Variants in NR2F1-AS1 observed in about 807,000 individuals in gnomAD.
The protein encoded by NR2F1-AS1 is NR2F1 regulatory antisense RNA 1.
At chr5:93,555,754 T>G (rs1580329599) in intron 2 of NR2F1-AS1, among the ~76,000 whole-genome samples, 1 of 152,164 alleles carries the variant, frequency 6.6e-6, no homozygotes, top group East Asian at 1.9e-4. Context: ...CAGGTACATA[T>G]TTAGACAATA....
intron 4 of NR2F1-AS1, among the ~76,000 whole-genome samples, chr5:93,416,530 C>T (rs1282842691): frequency 6.6e-6 from 1 of 152,116 alleles, no homozygotes; most frequent in African/African-American, 2.4e-5. Flanking sequence ...TCAAAAAGAG[C>T]ATAACAGCAA....
At position 93,509,244 on chromosome 5, in the gene NR2F1-AS1, TTTATG is replaced by T. The variant is rs745865284; in HGVS notation, n.638+44512_638+44516del. Among the ~76,000 whole-genome samples, 5 of 152,236 alleles carry T rather than the reference TTTATG, an allele frequency of 3.3e-5. No individual in the cohort carries two copies. The South Asian group carries it at 1.0e-3, about 32-fold the overall frequency. On this transcript the variant is annotated intron_variant and non_coding_transcript_variant, in intron 4 of 5. Transcript: ENST00000660523. Reference sequence around the variant, plus strand: ...CCAGAATGTGTACAGCATGATATGATTTATGTTAAGTTTAAGAATATGCAAACAAT... The same window carrying T: ...CCAGAATGTGTACAGCATGATATGATTTAAGTTTAAGAATATGCAAACAAT...
At chr5:93,530,140 G>A (rs1751705819) in intron 4 of NR2F1-AS1, among the ~76,000 whole-genome samples, 1 of 148,290 alleles carries the variant, frequency 6.7e-6, no homozygotes, top group African/African-American at 2.5e-5. Flanking sequence ...GAGTGCAGTG[G>A]CGCAATCTCA....
At chr5:93,464,611 G>T (rs1217460248) in intron 4 of NR2F1-AS1, among the ~76,000 whole-genome samples, 11 of 152,180 alleles carry the variant, frequency 7.2e-5, no homozygotes, top group Admixed American at 6.5e-4. Flanking sequence ...TTCAGGCAAA[G>T]AACCTATTTT....
At chr5:93,573,954 A>T (rs1258731654) in intron 1 of NR2F1-AS1, among the ~76,000 whole-genome samples, 1 of 152,208 alleles carries the variant, frequency 6.6e-6, no homozygotes, top group African/African-American at 2.4e-5. Flanking sequence ...TAAATAGATG[A>T]TAGTTTTGTG....
chr5:93,477,716 A>G (rs947171455), intron 4 of NR2F1-AS1, among the ~76,000 whole-genome samples: 1 of 152,182 alleles, frequency 6.6e-6, no homozygotes, highest in African/African-American at 2.4e-5. Context: ...GCCAGCCAAT[A>G]CAATCTCTCA....
intron 4 of NR2F1-AS1, among the ~76,000 whole-genome samples, chr5:93,511,119 CA>C (rs1751286250): frequency 2.6e-5 from 4 of 152,258 alleles, no homozygotes; most frequent in African/African-American, 9.6e-5. Context: ...TAAGATTAAA[CA>C]TTGCTTCTGA....
intron 4 of NR2F1-AS1, among the ~76,000 whole-genome samples, chr5:93,521,270 A>G (rs1751496603): frequency 6.6e-6 from 1 of 152,180 alleles, no homozygotes; most frequent in Non-Finnish European, 1.5e-5. Flanking sequence ...AAAATCCTGT[A>G]AGACAATCTA....
At chr5:93,566,783 T>C (rs2149923972) in intron 1 of NR2F1-AS1, among the ~76,000 whole-genome samples, 1 of 152,096 alleles carries the variant, frequency 6.6e-6, no homozygotes, top group Admixed American at 6.5e-5. Context: ...TGGCTAAAGA[T>C]TTATTTAAAA....
At chr5:93,566,022 C>T (rs932654707) in intron 1 of NR2F1-AS1, among the ~76,000 whole-genome samples, 3 of 151,526 alleles carry the variant, frequency 2.0e-5, no homozygotes, top group Non-Finnish European at 4.4e-5. Context: ...AGTGTTTCAT[C>T]GTCAGATTGG....
At chr5:93,453,717 A>G (rs1749885960) in intron 4 of NR2F1-AS1, among the ~76,000 whole-genome samples, 1 of 152,108 alleles carries the variant, frequency 6.6e-6, no homozygotes, top group Non-Finnish European at 1.5e-5. Flanking sequence ...GTACTGAAAC[A>G]AAAAACAAAT....
At chr5:93,510,313 G>C (rs1751269254) in intron 4 of NR2F1-AS1, among the ~76,000 whole-genome samples, 2 of 152,168 alleles carry the variant, frequency 1.3e-5, no homozygotes, top group Admixed American at 6.5e-5. Flanking sequence ...TTTTAATCAA[G>C]TTTCATTTAT....
chr5:93,445,754 G>T (rs533494008), intron 4 of NR2F1-AS1, among the ~76,000 whole-genome samples: 1 of 151,976 alleles, frequency 6.6e-6, no homozygotes, highest in Non-Finnish European at 1.5e-5. Context: ...CAAAAAAAGA[G>T]AATTTTAGAC....
intron 4 of NR2F1-AS1, among the ~76,000 whole-genome samples, chr5:93,471,184 T>C (rs1405584893): frequency 6.6e-6 from 1 of 151,900 alleles, no homozygotes; most frequent in Non-Finnish European, 1.5e-5. Context: ...ACTTAACAAC[T>C]AGCCAAACTG....
At chr5:93,534,529 T>C (rs1751800091) in intron 4 of NR2F1-AS1, among the ~76,000 whole-genome samples, 1 of 152,172 alleles carries the variant, frequency 6.6e-6, no homozygotes, top group African/African-American at 2.4e-5. Context: ...CATGAAACAA[T>C]TTAATGAAAA....
At chr5:93,457,103 T>C (rs896119818) in intron 4 of NR2F1-AS1, among the ~76,000 whole-genome samples, 1 of 152,168 alleles carries the variant, frequency 6.6e-6, no homozygotes, top group Admixed American at 6.5e-5. Context: ...CTTCCTCTTA[T>C]CTCAACTGCA....
Position 93,440,399 on chromosome 5 carries a change from G to A in NR2F1-AS1, n.639-44857C>T, listed in dbSNP as rs181400281. On this transcript the variant is annotated intron_variant and non_coding_transcript_variant, in intron 4 of 5. Coordinates refer to ENST00000660523, the Ensembl canonical transcript of NR2F1-AS1. ...ATTGGTCTCTCCAATGTGGATGGGC[G>A]TTGAGCAACCCATTGAAGGCCTGAA... 1.1e-4 allele frequency among the ~76,000 whole-genome samples: 17 copies of A among 152,316 alleles called. No homozygotes were observed. In the South Asian group the frequency reaches 1.7e-3, roughly 15 times the overall value.
intron 4 of NR2F1-AS1, among the ~76,000 whole-genome samples, chr5:93,529,724 T>G (rs1034091427): frequency 4.6e-5 from 7 of 152,158 alleles, no homozygotes; most frequent in Non-Finnish European, 8.8e-5. Flanking sequence ...GTAGGTCAGT[T>G]AATATAAAAT....
intron 1 of NR2F1-AS1, among the ~76,000 whole-genome samples, chr5:93,567,235 T>C (rs1377954465): frequency 6.6e-6 from 1 of 152,100 alleles, no homozygotes; most frequent in Non-Finnish European, 1.5e-5. Context: ...CCTTTTTTTT[T>C]CCTGGGTTAA....
Sources: allele counts gnomAD v4.1 joint callset (sites outside exome capture counted in the v4.1 genomes callset), GRCh38; gene constraint gnomAD v4.1.1; transcripts MANE v1.5; gene names NCBI Gene and HGNC (gene_info 2026-07-23, HGNC 2026-07-21).